AATF: variants seen among roughly 807,000 people sequenced by gnomAD.
AATF encodes the protein apoptosis antagonizing transcription factor.
Under a neutral mutation model 63.7 loss-of-function variants are expected in AATF, and 48 were observed. That is an observed-to-expected ratio of 0.75 (90% CI 0.60 to 0.96). AATF has a LOEUF of 0.96. Ranked by LOEUF, AATF falls within the 40% of genes least tolerant of loss-of-function variation. AATF has a pLI of 0.00. For missense variants in AATF, 639 were observed against 685.7 expected (o/e 0.93, Z 0.76); for synonymous variants, 258 against 247.7 (o/e 1.04, Z -0.39).
chr17:36,973,091 T>A (rs2071052000), intron 4 of AATF, among the ~76,000 whole-genome samples: 1 of 151,972 alleles, frequency 6.6e-6, no homozygotes, highest in African/African-American at 2.4e-5. Context: ...TAAGGGCAAT[T>A]GCAGTTAATC....
rs1020575705 is a variant in AATF, at chr17:36,990,914, A to T, written c.1398+57A>T. Reference sequence around the variant, plus strand: ...ATGTTTTAGCATTTTAAAGCAGCTTATAGAATTCTCTGAACAAAGAAGTTG... The same window carrying T: ...ATGTTTTAGCATTTTAAAGCAGCTTTTAGAATTCTCTGAACAAAGAAGTTG... On this transcript the variant is annotated intron_variant, in intron 8 of 11. Transcript: ENST00000619387. 5.4e-6 allele frequency: 7 copies of T among 1,296,774 alleles called. No individual in the cohort carries two copies. The Middle Eastern group carries it at 1.3e-3, about 243-fold the overall frequency. The allele number at this position is 1,296,774 out of a possible 1,614,324, so 80.3% of individuals were successfully genotyped here. A position where few individuals can be genotyped will look rare whatever the true frequency, so the allele number is the denominator to read the frequency against.
chr17:37,030,582 A>T (rs561872697), intron 10 of AATF, among the ~76,000 whole-genome samples: 170 of 151,724 alleles, frequency 1.1e-3, no homozygotes, highest in Non-Finnish European at 2.1e-3. Context: ...CATACAAAAT[A>T]TTTTTTTTTC....
intron 4 of AATF, among the ~76,000 whole-genome samples, chr17:36,976,273 A>G (rs1031925509): frequency 9.2e-5 from 14 of 152,178 alleles, no homozygotes; most frequent in African/African-American, 3.4e-4. Flanking sequence ...TAGTGTTTCA[A>G]TTTCTGTATC....
intron 8 of AATF, among the ~76,000 whole-genome samples, chr17:37,005,959 C>T (rs1292797866): frequency 6.6e-6 from 1 of 151,944 alleles, no homozygotes; most frequent in East Asian, 1.9e-4. Context: ...GAGACCCTAT[C>T]TCTATAAAAA....
intron 4 of AATF, among the ~76,000 whole-genome samples, chr17:36,977,961 A>C (rs888235670): frequency 3.3e-5 from 5 of 152,176 alleles, no homozygotes; most frequent in African/African-American, 1.2e-4. Flanking sequence ...GACATACTTC[A>C]TCAAGGTATT....
At chr17:37,018,889 T>C in intron 8 of AATF, 116 bp from the exon 9 acceptor site, 1 of 801,812 alleles carries the variant, frequency 1.2e-6, no homozygotes, top group Non-Finnish European at 2.2e-6. Context: ...GGTTGTCCCT[T>C]ATTGATTGTA....
chr17:36,974,405 T>A (rs917021321), intron 4 of AATF, among the ~76,000 whole-genome samples: 1 of 152,184 alleles, frequency 6.6e-6, no homozygotes, highest in African/African-American at 2.4e-5. Context: ...TTTGGATTGT[T>A]TCCAGGTTTT....
chr17:37,052,351 A>T (rs1241111059), intron 11 of AATF: 3 of 152,172 alleles, frequency 2.0e-5, no homozygotes, highest in Non-Finnish European at 2.9e-5. Flanking sequence ...GCCGGGGGGA[A>T]ATGTTTATGC....
chr17:37,038,186 A>G (rs1271526895), intron 11 of AATF, among the ~76,000 whole-genome samples: 1 of 152,244 alleles, frequency 6.6e-6, no homozygotes, highest in African/African-American at 2.4e-5. Flanking sequence ...ATGATCTCTC[A>G]CTATAGTTCT....
intron 8 of AATF, among the ~76,000 whole-genome samples, chr17:36,995,998 G>A (rs917954579): frequency 1.3e-5 from 2 of 152,034 alleles, no homozygotes; most frequent in South Asian, 2.1e-4. Context: ...TTCTGTTCAG[G>A]GCAGTATTTT....
At chr17:37,006,865 T>G (rs1358434610) in intron 8 of AATF, among the ~76,000 whole-genome samples, 3 of 152,196 alleles carry the variant, frequency 2.0e-5, no homozygotes, top group African/African-American at 7.2e-5. Context: ...TAGCGCTAGC[T>G]CCGGAGTGGA....
At chr17:36,955,759 C>T (rs987314437) in intron 4 of AATF, among the ~76,000 whole-genome samples, 3 of 151,934 alleles carry the variant, frequency 2.0e-5, no homozygotes, top group East Asian at 1.9e-4. Flanking sequence ...TTCTTGGATA[C>T]GATTTAATTT....
intron 11 of AATF, among the ~76,000 whole-genome samples, chr17:37,053,164 A>G (rs980265432): frequency 8.5e-5 from 13 of 152,198 alleles, no homozygotes; most frequent in African/African-American, 2.9e-4. Flanking sequence ...CTGGCAATAA[A>G]TAATATTCCT....
At chr17:36,956,439 G>A (rs1292401876) in intron 4 of AATF, among the ~76,000 whole-genome samples, 1 of 152,184 alleles carries the variant, frequency 6.6e-6, no homozygotes, top group Non-Finnish European at 1.5e-5. Flanking sequence ...TTGGGAGGCC[G>A]AGGTGGGCTG....
chr17:36,952,802 T>C (rs922334426), intron 2 of AATF, 84 bp from the exon 3 acceptor site: 3 of 1,523,362 alleles, frequency 2.0e-6, no homozygotes, highest in Non-Finnish European at 1.8e-6. Context: ...GATGCCACAG[T>C]GCTTAAGTTG....
At chr17:37,021,825 T>A (rs202124222) in intron 10 of AATF, among the ~76,000 whole-genome samples, 6,810 of 80,162 alleles carry the variant, frequency 0.085, 1,306 homozygotes, top group African/African-American at 0.37. Context: ...AAAAAAATAA[T>A]AATAATAATA....
At chr17:37,007,739 T>C (rs974396996) in intron 8 of AATF, among the ~76,000 whole-genome samples, 1 of 152,180 alleles carries the variant, frequency 6.6e-6, no homozygotes, top group Non-Finnish European at 1.5e-5. Context: ...GAAGAGGACA[T>C]GGCATTTGAT....
chr17:36,993,408 G>A (rs1053598917), intron 8 of AATF, among the ~76,000 whole-genome samples: 1 of 152,188 alleles, frequency 6.6e-6, no homozygotes, highest in African/African-American at 2.4e-5. Context: ...ACAGACACAA[G>A]GTAGCACCTG....
chr17:36,973,436 T>A (rs968202042), intron 4 of AATF, among the ~76,000 whole-genome samples: 1 of 152,190 alleles, frequency 6.6e-6, no homozygotes, highest in Non-Finnish European at 1.5e-5. Context: ...TTAACTCTTT[T>A]CATCTGAGGG....
Sources: allele counts gnomAD v4.1 joint callset (sites outside exome capture counted in the v4.1 genomes callset), GRCh38; gene constraint gnomAD v4.1.1; transcripts MANE v1.5; gene names NCBI Gene and HGNC (gene_info 2026-07-23, HGNC 2026-07-21).